The following PDE7B variants were observed in gnomAD, a reference collection of about 807,000 sequenced individuals.
The protein encoded by PDE7B is phosphodiesterase 7B, also known as 3',5'-cyclic-AMP phosphodiesterase 7B.
PDE7B carries 29 observed loss-of-function variants against 56.2 expected under a neutral mutation model. The observed-to-expected ratio is 0.52, with a 90% confidence interval of 0.38 to 0.70. PDE7B has a LOEUF of 0.70. PDE7B is among the 30% of genes least tolerant of loss of function. The pLI is 0.00. For missense variants in PDE7B, 490 were observed against 565.0 expected, an observed-to-expected ratio of 0.87 and a Z score of 1.35; for synonymous variants, 197 against 196.9, an observed-to-expected ratio of 1.00 and a Z score of 0.00.
intron 3 of PDE7B, among the ~76,000 whole-genome samples, chr6:136,121,343 T>C (rs1777930469): frequency 6.6e-6 from 1 of 152,202 alleles, no homozygotes; most frequent in Non-Finnish European, 1.5e-5. Context: ...CAATTCTTTA[T>C]GTGTAAGGAA....
intron 1 of PDE7B, among the ~76,000 whole-genome samples, chr6:135,860,151 A>T (rs1040439472): frequency 5.9e-5 from 9 of 152,062 alleles, no homozygotes; most frequent in Non-Finnish European, 1.3e-4. Flanking sequence ...AACTTTCTAG[A>T]ACATTCCTGT....
intron 2 of PDE7B, among the ~76,000 whole-genome samples, chr6:136,099,835 T>A (rs541476543): frequency 6.6e-6 from 1 of 152,368 alleles, no homozygotes; most frequent in African/African-American, 2.4e-5. Context: ...GTTTTAGTCA[T>A]GAAGTCTTTG....
chr6:135,911,686 G>A (rs1334866233), intron 1 of PDE7B, among the ~76,000 whole-genome samples: 1 of 152,120 alleles, frequency 6.6e-6, no homozygotes, highest in Non-Finnish European at 1.5e-5. Flanking sequence ...GTGAACCTAT[G>A]CAGAAAACCA....
At position 136,193,380 on chromosome 6, in the gene PDE7B, A is replaced by AT. The variant is rs1424545430; in HGVS notation, c.*1540_*1541insT. On this transcript the variant is annotated 3_prime_UTR_variant, in exon 13 of 13. Transcript: ENST00000308191. ...AAGTTCATATTATTTAAGTAAAGAA[A>AT]ATATTTCAGTTTTATAACAGACTTT... 1.3e-5 allele frequency: 2 copies of AT among 152,754 alleles called. No individual in the cohort carries two copies. Among genetic ancestry groups the AT allele is most frequent in the Middle Eastern group, 3.4e-3 (1 of 294 alleles). 9.5% of individuals were successfully genotyped at this position (152,754 alleles called of 1,614,324 possible).
intron 2 of PDE7B, among the ~76,000 whole-genome samples, chr6:136,016,267 A>G (rs1222940359): frequency 5.3e-5 from 8 of 152,222 alleles, no homozygotes; most frequent in Non-Finnish European, 2.9e-5. Flanking sequence ...AAAATGTCCA[A>G]CCTAGTATCT....
At chr6:135,951,747 T>C (rs1774702478) in intron 2 of PDE7B, among the ~76,000 whole-genome samples, 1 of 152,162 alleles carries the variant, frequency 6.6e-6, no homozygotes, top group African/African-American at 2.4e-5. Context: ...ATTTGAAATT[T>C]TCATTGGCCC....
At chr6:136,041,876 G>A (rs1375426005) in intron 2 of PDE7B, among the ~76,000 whole-genome samples, 1 of 152,204 alleles carries the variant, frequency 6.6e-6, no homozygotes, top group East Asian at 1.9e-4. Context: ...CACTGAAACT[G>A]TATCAGAACC....
At chr6:136,172,984 C>A (rs1385146564) in intron 8 of PDE7B, among the ~76,000 whole-genome samples, 1 of 151,874 alleles carries the variant, frequency 6.6e-6, no homozygotes, top group Admixed American at 6.6e-5. Context: ...CTACAAACCA[C>A]TGCTCAATGA....
intron 2 of PDE7B, among the ~76,000 whole-genome samples, chr6:136,017,163 G>T (rs1181959243): frequency 6.6e-6 from 1 of 152,112 alleles, no homozygotes; most frequent in African/African-American, 2.4e-5. Flanking sequence ...TATTAAACAG[G>T]AGTATATTAC....
At chr6:136,044,821 G>C (rs1025385026) in intron 2 of PDE7B, 1 of 152,136 alleles carries the variant, frequency 6.6e-6, no homozygotes, top group Non-Finnish European at 1.5e-5. Context: ...CAAAAGGTGT[G>C]TGTTTACCCA....
At chr6:135,872,080 T>C (rs780672423) in intron 1 of PDE7B, among the ~76,000 whole-genome samples, 2 of 152,228 alleles carry the variant, frequency 1.3e-5, no homozygotes, top group Non-Finnish European at 2.9e-5. Context: ...CTTCCAATTT[T>C]TCCTAACAGA....
chr6:136,064,247 C>T (rs1465419065), intron 2 of PDE7B: 1 of 152,128 alleles, frequency 6.6e-6, no homozygotes, highest in East Asian at 1.9e-4. Flanking sequence ...CAAACAAATG[C>T]TTTGAGAGAA....
intron 1 of PDE7B, among the ~76,000 whole-genome samples, chr6:135,908,088 CT>C (rs11359781): frequency 0.26 from 37,913 of 144,644 alleles, 5,856 homozygotes; most frequent in African/African-American, 0.45. Flanking sequence ...TTGTCAACTG[CT>C]TTTTTTTTTT....
chr6:135,868,549 A>G (rs922265693), intron 1 of PDE7B, among the ~76,000 whole-genome samples: 16 of 152,082 alleles, frequency 1.1e-4, no homozygotes, highest in African/African-American at 3.9e-4. Context: ...CTCCTGCCTC[A>G]GCCTCCTAAG....
At chr6:136,114,547 T>C (rs912071742) in intron 3 of PDE7B, among the ~76,000 whole-genome samples, 1 of 152,182 alleles carries the variant, frequency 6.6e-6, no homozygotes, top group Admixed American at 6.5e-5. Context: ...CTCCATTTCC[T>C]ATGAGAGAAT....
intron 4 of PDE7B, among the ~76,000 whole-genome samples, chr6:136,148,466 A>AGGCAGGCAGGCAGGCAGGCAGGCAGGC (rs879737273): frequency 4.7e-5 from 2 of 42,994 alleles, no homozygotes; most frequent in African/African-American, 2.3e-4. Flanking sequence ...GGAGGGAAGG[A>AGGCAGGCAGGCAGGCAGGCAGGCAGGC]AGGAAGGCAG....
intron 3 of PDE7B, among the ~76,000 whole-genome samples, chr6:136,118,303 A>T (rs1037052372): frequency 6.6e-6 from 1 of 152,158 alleles, no homozygotes; most frequent in Non-Finnish European, 1.5e-5. Context: ...CCCAGAAAGC[A>T]TTATCACATT....
chr6:136,112,697 G>C (rs897488692), intron 3 of PDE7B: 2 of 151,866 alleles, frequency 1.3e-5, no homozygotes, highest in African/African-American at 4.8e-5. Flanking sequence ...TTTATGAACA[G>C]AAGAATAAAC....
intron 4 of PDE7B, 29 bp downstream of exon 4, chr6:136,147,531 C>T: frequency 6.2e-7 from 1 of 1,605,512 alleles, no homozygotes; most frequent in Non-Finnish European, 8.5e-7. Flanking sequence ...CTCCTCACAG[C>T]AGGCCAGTGG....
Sources: gnomAD v4.1 joint callset for allele counts (sites outside exome capture counted in the v4.1 genomes callset) on GRCh38, gnomAD v4.1.1 for gene constraint, MANE v1.5 for transcripts, NCBI Gene and HGNC (gene_info 2026-07-23, HGNC 2026-07-21) for gene names.